Variants in FAM13C observed in about 807,000 individuals in gnomAD.
The protein encoded by FAM13C is family with sequence similarity 13 member C.
Under a neutral mutation model 73.2 loss-of-function variants are expected in FAM13C, and 37 were observed. That is an observed-to-expected ratio of 0.51 (90% confidence interval 0.39 to 0.67). The LOEUF is 0.67. Ranked by LOEUF, FAM13C falls within the 30% of genes least tolerant of loss-of-function variation. FAM13C has a pLI of 0.00. For missense variants in FAM13C, 589 were observed against 715.6 expected (o/e 0.82, Z 2.02); for synonymous variants, 246 against 260.9 (o/e 0.94, Z 0.55).
At chr10:59,247,812 A>G (rs1032638493) in intron 13 of FAM13C, 75 bp from the exon 14 acceptor site, 1 of 1,462,548 alleles carries the variant, frequency 6.8e-7, no homozygotes, top group Non-Finnish European at 9.3e-7. Context: ...TAATTCATAC[A>G]TGAGAAAGTA....
chr10:59,355,765 G>A lies in FAM13C; in HGVS notation c.119+122C>T, dbSNP rs1033276207. The A allele has an allele frequency of 3.0e-6, 3 of 1,012,964 alleles. No individual in the cohort carries two copies. The African/African-American group carries it at 4.8e-5, about 16-fold the overall frequency. 62.7% of individuals were successfully genotyped at this position (1,012,964 alleles called of 1,614,324 possible). A position where few individuals can be genotyped will look rare whatever the true frequency, so the allele number is the denominator to read the frequency against. On this transcript the variant is annotated intron_variant, in intron 2 of 13. Coordinates refer to ENST00000618804, the MANE Select transcript of FAM13C (RefSeq NM_198215.4). ...GTCAAGAGGTAAAAATCTAGTAGAA[G>A]AGATGAGACATGAGAACAAATAATT...
intron 8 of FAM13C, among the ~76,000 whole-genome samples, chr10:59,265,311 A>G (rs1456417741): frequency 1.1e-3 from 9 of 8,332 alleles, no homozygotes; most frequent in South Asian, 5.9e-3. Context: ...GGGATAGGGA[A>G]GGGGTTTTGG....
In FAM13C at chr10:59,251,606, A is replaced by G; in HGVS notation, c.1603T>C (p.Phe535Leu). The G allele has an allele frequency of 6.2e-7, 1 of 1,613,758 alleles. No individual in the cohort carries two copies. Among genetic ancestry groups the G allele is most frequent in the Non-Finnish European group, 8.5e-7 (1 of 1,179,836 alleles). The change falls in exon 13 of 14, where the codon TTT becomes CTT. Residue 535 changes from phenylalanine to leucine, a missense_variant. Phe to Leu is a conservative substitution (Grantham distance 22). Coordinates refer to ENST00000618804, the MANE Select transcript of FAM13C (RefSeq NM_198215.4). ...KKRLRKALRE[F>L]EEQFFKQTGR... ...GTTTGTTTAAAAAACTGTTCTTCAA[A>G]TTCTCTTAAGGCTTTCCGCAGTCTC... is the stretch of plus-strand genomic sequence containing the variant.
At chr10:59,281,664 C>T (rs575123237) in intron 6 of FAM13C, among the ~76,000 whole-genome samples, 1 of 152,298 alleles carries the variant, frequency 6.6e-6, no homozygotes, top group Admixed American at 6.5e-5. Context: ...TACATAAACC[C>T]TGTATTTATT....
chr10:59,345,262 T>C (rs1854151671), intron 3 of FAM13C, among the ~76,000 whole-genome samples: 3 of 152,308 alleles, frequency 2.0e-5, no homozygotes, highest in African/African-American at 7.2e-5. Flanking sequence ...GTAACTTCCA[T>C]CACAGATGGA....
In FAM13C at chr10:59,302,778, T is replaced by C. The variant is rs72808548; in HGVS notation, c.507+23A>G. The C allele has an allele frequency of 0.19, 303,950 of 1,606,368 alleles. 30,515 individuals carry two copies. The highest frequency in any genetic ancestry group is 0.26 in the East Asian group (11,689 of 44,840). ...CATGATTGGCTAATTCATGTTCTTA[T>C]AACCAGTAATGATTGCACGTACCTC... On this transcript the variant is annotated intron_variant, in intron 5 of 13. Transcript: ENST00000618804.
chr10:59,321,971 G>A (rs1015517507), intron 4 of FAM13C, among the ~76,000 whole-genome samples: 3 of 152,086 alleles, frequency 2.0e-5, no homozygotes, highest in African/African-American at 7.2e-5. Context: ...GACTTAGCCT[G>A]GCTTATTCTT....
At chr10:59,260,456 G>A (rs771295483) in intron 10 of FAM13C, among the ~76,000 whole-genome samples, 4 of 152,082 alleles carry the variant, frequency 2.6e-5, no homozygotes, top group Middle Eastern at 3.4e-3. Context: ...CTTTCATCAC[G>A]GCCTTCATAC....
chr10:59,314,367 A>G (rs1035653185), intron 4 of FAM13C, among the ~76,000 whole-genome samples: 9 of 152,150 alleles, frequency 5.9e-5, no homozygotes, highest in Non-Finnish European at 5.9e-5. Flanking sequence ...TAGCTCTGGG[A>G]AGTAGATATT....
chr10:59,349,181 C>T (rs1237519166), intron 3 of FAM13C, among the ~76,000 whole-genome samples: 1 of 152,164 alleles, frequency 6.6e-6, no homozygotes, highest in Non-Finnish European at 1.5e-5. Context: ...AGTAAACTAA[C>T]CACAGTGATT....
At chr10:59,335,782 T>A (rs149249846) in intron 3 of FAM13C, among the ~76,000 whole-genome samples, 1 of 152,138 alleles carries the variant, frequency 6.6e-6, no homozygotes, top group Non-Finnish European at 1.5e-5. Context: ...GTAAGCCCAA[T>A]GCAATAAAAG....
Position 59,362,402 on chromosome 10 carries a change from G to C in FAM13C, c.59C>G (p.Thr20Arg). Residue 20 changes from threonine to arginine, a missense_variant, in exon 1 of 14, where the codon ACA (threonine) becomes AGA (arginine). Thr to Arg is a moderately conservative substitution (Grantham distance 71, BLOSUM62 -1). Transcript: ENST00000618804. Reference protein sequence around the residue: ...QDNSFSSTTVTECDEDPVSLH... With the variant: ...QDNSFSSTTVRECDEDPVSLH... ...TTTAATGGTAAGAATCACTTACTCTGTTACAGTGGTGCTGCTGAAGGAATT... is the reference window on the plus strand; with the variant it reads ...TTTAATGGTAAGAATCACTTACTCTCTTACAGTGGTGCTGCTGAAGGAATT... The C allele has an allele frequency of 6.2e-7, 1 of 1,614,000 alleles. No homozygotes were observed. Among genetic ancestry groups the C allele is most frequent in the Non-Finnish European group, 8.5e-7 (1 of 1,179,970 alleles).
rs373693149 is a variant in FAM13C, at chr10:59,259,574, C to G, written c.1236+2860G>C. Among the ~76,000 whole-genome samples, 5 of 152,244 alleles carry G rather than the reference C, an allele frequency of 3.3e-5. 1 individual carries two copies. The highest frequency in any genetic ancestry group is 4.8e-5 in the African/African-American group (2 of 41,546). ...CATGGTTTACTATATTAAGCTTTCT[C>G]AAGACCAATACTCAGCTTTATGTAT... On this transcript the variant is annotated intron_variant, in intron 10 of 13. Coordinates refer to ENST00000618804, the MANE Select transcript of FAM13C (RefSeq NM_198215.4).
chr10:59,258,195 A>G (rs1842129567), intron 10 of FAM13C, among the ~76,000 whole-genome samples: 1 of 152,200 alleles, frequency 6.6e-6, no homozygotes, highest in African/African-American at 2.4e-5. Context: ...TTAAGAATAT[A>G]TACTGGGGCC....
chr10:59,304,162 G>C (rs1392850539), intron 4 of FAM13C, among the ~76,000 whole-genome samples: 1 of 152,108 alleles, frequency 6.6e-6, no homozygotes, highest in African/African-American at 2.4e-5. Context: ...AAACAGAAAA[G>C]TGTCTGTTCA....
intron 12 of FAM13C, 124 bp downstream of exon 12, chr10:59,252,675 G>T: frequency 1.2e-6 from 1 of 820,952 alleles, no homozygotes; most frequent in Non-Finnish European, 2.0e-6. Flanking sequence ...CTAGGATAAA[G>T]GCCCTGAGAA....
Position 59,262,530 on chromosome 10 carries a change from G to A in FAM13C, c.1140C>T (p.Gly380=), listed in dbSNP as rs776976417. The change falls in exon 10 of 14, where the codon GGC becomes GGT. Residue 380 remains glycine (G), a synonymous_variant. Transcript: ENST00000618804. ...CTTCTCCAGAGGAGCTTGGCTCCGG[G>A]CCCGCAGCTTCCGGTTTCCCATTTT... The part of the protein sequence containing the change: ...PRENGKPEAA[G]PEPSSSGEET... 2.5e-6 allele frequency: 4 copies of A among 1,613,762 alleles called. No individual in the cohort carries two copies. The highest frequency in any genetic ancestry group is 3.4e-6 in the Non-Finnish European group (4 of 1,179,768).
At chr10:59,283,656 C>T (rs1758243992) in intron 5 of FAM13C, 4 of 629,624 alleles carry the variant, frequency 6.4e-6, no homozygotes, top group Non-Finnish European at 1.2e-5. Context: ...ACTGGTTGTG[C>T]CAGAATCATA....
At chr10:59,286,283 G>A (rs571740841) in intron 5 of FAM13C, among the ~76,000 whole-genome samples, 2 of 152,232 alleles carry the variant, frequency 1.3e-5, no homozygotes, top group South Asian at 2.1e-4. Flanking sequence ...GGGAGGCTGA[G>A]ACAGGCGGAT....
Sources: allele counts gnomAD v4.1 joint callset (sites outside exome capture counted in the v4.1 genomes callset), GRCh38; gene constraint gnomAD v4.1.1; transcripts MANE v1.5; gene names NCBI Gene and HGNC (gene_info 2026-07-23, HGNC 2026-07-21).